The following TAAR5 variants were observed in gnomAD, a reference collection of about 807,000 sequenced individuals.
The protein encoded by TAAR5 is trace amine associated receptor 5.
Under a neutral mutation model 21.1 loss-of-function variants are expected in TAAR5, and 27 were observed. That is an observed-to-expected ratio of 1.28 (90% CI 0.94 to 1.76). TAAR5 has a LOEUF of 1.76. TAAR5 is among the 40% of genes most tolerant of loss of function. The pLI is 0.00. For missense variants in TAAR5, 495 were observed against 405.6 expected (o/e 1.22, Z -1.89); for synonymous variants, 203 against 167.5 (o/e 1.21, Z -1.64).
the TAAR5 span, among the ~76,000 whole-genome samples, chr6:132,596,881 A>G: frequency 2.0e-5 from 3 of 152,166 alleles, no homozygotes; most frequent in African/African-American, 2.4e-5. Context: ...ATTTTATTTA[A>G]TAAGTTAAAT....
the TAAR5 span, among the ~76,000 whole-genome samples, chr6:132,599,101 C>A: frequency 6.6e-6 from 1 of 152,038 alleles, no homozygotes; most frequent in East Asian, 1.9e-4. Context: ...CCAAGCTAAA[C>A]GCAAAAAGAA....
rs1038906858 is a variant in TAAR5, at chr6:132,588,925, C to T, written c.762G>A (p.Leu254=). Residue 254 remains leucine (L), a synonymous_variant, in exon 1 of 1, where the codon CTG becomes CTA. Transcript: ENST00000258034. The part of the protein sequence containing the change: ...AKHERKAAKT[L]GIAVGIYLLC... The stretch of plus-strand genomic sequence containing the variant: ...AGAGGTATATGCCCACAGCAATGCC[C>T]AGGGTCTTGGCAGCTTTTCTCTCAT... The T allele has an allele frequency of 4.0e-5, 64 of 1,614,008 alleles. No homozygotes were observed. The highest frequency in any genetic ancestry group is 5.3e-5 in the Non-Finnish European group (62 of 1,180,012).
At chr6:132,598,548 C>T in the TAAR5 span, among the ~76,000 whole-genome samples, 1 of 152,202 alleles carries the variant, frequency 6.6e-6, no homozygotes. Context: ...GCCCTGCTCA[C>T]ACTCACATCC....
chr6:132,602,246 G>T, the TAAR5 span, among the ~76,000 whole-genome samples: 1 of 152,196 alleles, frequency 6.6e-6, no homozygotes, highest in Non-Finnish European at 1.5e-5. Context: ...TATATTTATT[G>T]TGCACTTTAT....
the TAAR5 span, among the ~76,000 whole-genome samples, chr6:132,604,146 C>CTTTTTTTTTTTTT: frequency 1.4e-4 from 18 of 125,986 alleles, no homozygotes; most frequent in Admixed American, 2.5e-4. Context: ...TTTTTCTTTT[C>CTTTTTTTTTTTTT]TTTTTTTTTT....
upstream of TAAR5, chr6:132,594,652 G>T (rs1157984455): frequency 6.6e-6 from 1 of 152,174 alleles, no homozygotes; most frequent in Non-Finnish European, 1.5e-5. Flanking sequence ...CTATGCCTAA[G>T]GTCCTGGTGG....
upstream of TAAR5, among the ~76,000 whole-genome samples, chr6:132,592,380 A>T (rs1186971718): frequency 6.6e-6 from 1 of 152,192 alleles, no homozygotes; most frequent in East Asian, 1.9e-4. Context: ...GGCAGACTTC[A>T]CTCAGGTTCA....
the TAAR5 span, chr6:132,608,745 G>A: frequency 4.4e-6 from 2 of 455,848 alleles, no homozygotes; most frequent in Non-Finnish European, 8.8e-6. Context: ...GTATCTTATA[G>A]CTCTGCATAC....
chr6:132,600,724 A>G, the TAAR5 span, among the ~76,000 whole-genome samples: 1 of 151,788 alleles, frequency 6.6e-6, no homozygotes, highest in African/African-American at 2.4e-5. Flanking sequence ...ATAAAGATAA[A>G]AGGACAAAGT....
At chr6:132,600,021 C>T in the TAAR5 span, among the ~76,000 whole-genome samples, 9 of 152,068 alleles carry the variant, frequency 5.9e-5, no homozygotes, top group African/African-American at 1.7e-4. Context: ...GAGGTTACTA[C>T]TAATAGTAAC....
upstream of TAAR5, chr6:132,594,600 A>G (rs1776951400): frequency 6.6e-6 from 1 of 152,264 alleles, no homozygotes; most frequent in Non-Finnish European, 1.5e-5. Flanking sequence ...GTGATCGTCA[A>G]GACAAAGAAG....
the TAAR5 span, among the ~76,000 whole-genome samples, chr6:132,604,296 C>T: frequency 1.3e-5 from 2 of 151,724 alleles, no homozygotes; most frequent in African/African-American, 2.4e-5. Flanking sequence ...GAGCGTGCCA[C>T]CATGCACAGA....
At chr6:132,592,206 C>T (rs181054967), upstream of TAAR5, among the ~76,000 whole-genome samples, 63 of 152,290 alleles carry the variant, frequency 4.1e-4, no homozygotes, top group African/African-American at 1.5e-3. Context: ...TAAATCTCCC[C>T]GCTGCATCAT....
the TAAR5 span, among the ~76,000 whole-genome samples, chr6:132,604,447 T>C: frequency 6.6e-6 from 1 of 151,990 alleles, no homozygotes; most frequent in Non-Finnish European, 1.5e-5. Flanking sequence ...CAGGCTGACG[T>C]ATCTTTTCTA....
upstream of TAAR5, chr6:132,589,754 AAAAAAAAAAAAAAAAAAAAAAAT>A: frequency 1.5e-5 from 11 of 746,570 alleles, no homozygotes; most frequent in South Asian, 3.8e-5. Context: ...AAAAAAAAAA[AAAAAAAAAAAAAAAAAAAAAAAT>A]ATGTCTGCTA....
upstream of TAAR5, among the ~76,000 whole-genome samples, chr6:132,593,253 T>G (rs1776931444): frequency 6.6e-6 from 1 of 152,206 alleles, no homozygotes; most frequent in Non-Finnish European, 1.5e-5. Context: ...CTCTTGTGCC[T>G]GGCTCTGTCA....
At chr6:132,608,361 A>AG in the TAAR5 span, 1 of 455,950 alleles carries the variant, frequency 2.2e-6, no homozygotes, top group African/African-American at 2.0e-5. Flanking sequence ...CATGAATAAG[A>AG]GGGTTGCAAG....
chr6:132,590,198 C>G (rs1355035789), upstream of TAAR5, among the ~76,000 whole-genome samples: 2 of 152,192 alleles, frequency 1.3e-5, no homozygotes, highest in Admixed American at 6.5e-5. Flanking sequence ...TAGCTTCTCT[C>G]TTTAAGAATT....
chr6:132,597,306 A>G, the TAAR5 span, among the ~76,000 whole-genome samples: 1 of 148,754 alleles, frequency 6.7e-6, no homozygotes, highest in Admixed American at 6.7e-5. Context: ...ACACCCACAT[A>G]TATGTTTAAA....
Sources: gnomAD v4.1 joint callset for allele counts (sites outside exome capture counted in the v4.1 genomes callset) on GRCh38, gnomAD v4.1.1 for gene constraint, MANE v1.5 for transcripts, NCBI Gene and HGNC (gene_info 2026-07-23, HGNC 2026-07-21) for gene names.